Variants in XIRP2 observed in about 807,000 individuals in gnomAD.
XIRP2 encodes the protein xin actin binding repeat containing 2.
XIRP2 carries 236 observed loss-of-function variants against 277.0 expected under a neutral mutation model. The ratio of observed to expected loss-of-function variants is 0.85; its 90% CI spans 0.77 to 0.95. The LOEUF is 0.95. Ranked by LOEUF, XIRP2 falls within the 40% of genes least tolerant of loss-of-function variation. The pLI, the probability that XIRP2 is intolerant of heterozygous loss-of-function variation, is 0.00. For synonymous variants in XIRP2, 1,490 were observed against 1,416.5 expected, an observed-to-expected ratio of 1.05 and a Z score of -1.17; for missense variants, 4,640 against 4,157.5, an observed-to-expected ratio of 1.12 and a Z score of -3.19.
At position 166,946,359 on chromosome 2, in the gene XIRP2, C is replaced by T. The variant is rs374093016; in HGVS notation, c.408+42469C>T. 8.5e-5 allele frequency among the ~76,000 whole-genome samples: 13 copies of T among 152,158 alleles called. No homozygotes were observed. The East Asian group carries it at 9.6e-4, about 11-fold the overall frequency. On this transcript the variant is annotated intron_variant, in intron 2 of 10. Transcript: ENST00000409195. ...TTAGGCCACTAACTGCGCAAACTAT[C>T]CATTTGCTTGTCCTTTTTTATATCT...
At chr2:167,149,272 G>A (rs1434624815) in intron 3 of XIRP2, among the ~76,000 whole-genome samples, 2 of 152,124 alleles carry the variant, frequency 1.3e-5, no homozygotes, top group Non-Finnish European at 2.9e-5. Context: ...GATAGCGGAA[G>A]CAAAATATAA....
intron 3 of XIRP2, among the ~76,000 whole-genome samples, chr2:167,166,559 T>C (rs1383372412): frequency 2.0e-5 from 3 of 152,194 alleles, no homozygotes; most frequent in African/African-American, 7.2e-5. Context: ...AAGTGGTTAT[T>C]TGGGCTTGCA....
chr2:167,241,767 C>T lies in XIRP2; in HGVS notation c.1043-10C>T. ...TACATAGTAACCCTGGTGTGTTTTT[C>T]TGTTTGTAGTCATTGATACACCTGA... On this transcript the variant is annotated splice_polypyrimidine_tract_variant and intron_variant, in intron 7 of 10. Transcript: ENST00000409195. 1 of 1,591,978 alleles carries T rather than the reference C, an allele frequency of 6.3e-7. No homozygotes were observed.
Position 167,247,615 on chromosome 2 carries a change from A to G in XIRP2, c.6223A>G (p.Arg2075Gly), listed in dbSNP as rs1695320261. ...WTDTTGEQHL[R>G]DEYMSRQLTS... ...TGATACTACAGGAGAACAGCATCTT[A>G]GAGATGAATATATGAGCAGACAATT... Residue 2075 changes from arginine to glycine, a missense_variant, in exon 9 of 11, where the codon AGA becomes GGA. Transcript: ENST00000409195. 1 of 1,613,710 alleles carries G rather than the reference A, an allele frequency of 6.2e-7. No homozygotes were observed. Among genetic ancestry groups the G allele is most frequent in the Non-Finnish European group, 8.5e-7 (1 of 1,179,748 alleles).
chr2:166,943,710 A>G (rs1300375648), intron 2 of XIRP2, among the ~76,000 whole-genome samples: 1 of 152,264 alleles, frequency 6.6e-6, no homozygotes, highest in African/African-American at 2.4e-5. Flanking sequence ...AGAATGATAT[A>G]TGCCCTGTAT....
At chr2:167,191,724 T>A (rs1360826450) in intron 3 of XIRP2, among the ~76,000 whole-genome samples, 1 of 152,204 alleles carries the variant, frequency 6.6e-6, no homozygotes, top group Non-Finnish European at 1.5e-5. Flanking sequence ...GACACATCAC[T>A]TTTCACTACT....
At chr2:166,971,441 TA>T (rs1686576035) in intron 2 of XIRP2, among the ~76,000 whole-genome samples, 1 of 152,116 alleles carries the variant, frequency 6.6e-6, no homozygotes, top group Non-Finnish European at 1.5e-5. Context: ...GGGAGAATTT[TA>T]AAGCTCAAAT....
At chr2:167,217,419 G>A (rs547384138) in intron 4 of XIRP2, among the ~76,000 whole-genome samples, 2 of 152,198 alleles carry the variant, frequency 1.3e-5, no homozygotes, top group African/African-American at 2.4e-5. Flanking sequence ...TGCTAATCCT[G>A]GAGTAGTGTA....
intron 2 of XIRP2, among the ~76,000 whole-genome samples, chr2:166,915,879 A>G (rs1312746979): frequency 6.6e-6 from 1 of 152,134 alleles, no homozygotes; most frequent in Non-Finnish European, 1.5e-5. Flanking sequence ...ACTTTTGACA[A>G]AGACTATTCA....
intron 4 of XIRP2, among the ~76,000 whole-genome samples, chr2:167,217,617 G>A (rs1266455063): frequency 6.6e-6 from 1 of 152,052 alleles, no homozygotes; most frequent in Non-Finnish European, 1.5e-5. Flanking sequence ...GACATATTCT[G>A]TCATTTAATA....
At position 167,013,102 on chromosome 2, in the gene XIRP2, C is replaced by T. The variant is rs750375709; in HGVS notation, c.408+109212C>T. 2.6e-5 allele frequency among the ~76,000 whole-genome samples: 4 copies of T among 151,298 alleles called. No individual in the cohort carries two copies. The East Asian group carries it at 5.9e-4, about 22-fold the overall frequency. ...GTTAAATTGTGTACCCAAACTATATCGTAGCTCTGATATAGTTTGGTCATT... is the reference window on the plus strand; with the variant it reads ...GTTAAATTGTGTACCCAAACTATATTGTAGCTCTGATATAGTTTGGTCATT... On this transcript the variant is annotated intron_variant, in intron 2 of 10. Coordinates refer to ENST00000409195, the MANE Select transcript of XIRP2 (RefSeq NM_152381.6).
At chr2:166,973,293 T>C (rs1407873672) in intron 2 of XIRP2, among the ~76,000 whole-genome samples, 1 of 152,222 alleles carries the variant, frequency 6.6e-6, no homozygotes, top group African/African-American at 2.4e-5. Flanking sequence ...TATTTTGTCA[T>C]TTACATCATT....
chr2:167,150,479 G>GA (rs59294401), intron 3 of XIRP2, among the ~76,000 whole-genome samples: 26,320 of 151,658 alleles, frequency 0.17, 3,371 homozygotes, highest in African/African-American at 0.36. Flanking sequence ...GGTTTTATTA[G>GA]AAAAAAATGG....
At chr2:167,001,100 T>C (rs1687355782) in intron 2 of XIRP2, among the ~76,000 whole-genome samples, 1 of 152,188 alleles carries the variant, frequency 6.6e-6, no homozygotes, top group African/African-American at 2.4e-5. Flanking sequence ...TAATATTTTC[T>C]TAACAATTAT....
chr2:167,025,434 T>A (rs1407456647), intron 2 of XIRP2, among the ~76,000 whole-genome samples: 1 of 152,050 alleles, frequency 6.6e-6, no homozygotes, highest in African/African-American at 2.4e-5. Flanking sequence ...TTTTGAAGGG[T>A]TTTTTGTGTC....
chr2:167,098,722 G>GT (rs1690398123), intron 2 of XIRP2, among the ~76,000 whole-genome samples: 1 of 152,122 alleles, frequency 6.6e-6, no homozygotes, highest in Admixed American at 6.6e-5. Context: ...TCAGATGGAG[G>GT]TTTTGTGTAG....
chr2:166,988,453 T>TAAGATCTAAAGG (rs1553475862), intron 2 of XIRP2, among the ~76,000 whole-genome samples: 1 of 134,480 alleles, frequency 7.4e-6, no homozygotes, highest in African/African-American at 2.9e-5. Flanking sequence ...AAAACTTTAG[T>TAAGATCTAAAGG]TGGAGGAGCC....
At chr2:167,088,420 T>A (rs937685899) in intron 2 of XIRP2, among the ~76,000 whole-genome samples, 1 of 152,134 alleles carries the variant, frequency 6.6e-6, no homozygotes, top group Non-Finnish European at 1.5e-5. Flanking sequence ...ATCTCTCTCC[T>A]GGACAGCTGT....
At position 167,258,279 on chromosome 2, in the gene XIRP2, A is replaced by G; in HGVS notation, c.*462A>G. 1 of 1,613,396 alleles carries G rather than the reference A, an allele frequency of 6.2e-7. No homozygotes were observed. The highest frequency in any genetic ancestry group is 8.5e-7 in the Non-Finnish European group (1 of 1,179,660). ...CTGCTATCCCCTGAATTTAAAAGTG[A>G]ATCTCTGCTAGAAGATGTTAGAACT... On this transcript the variant is annotated 3_prime_UTR_variant, in exon 11 of 11. Transcript: ENST00000409195.
Sources: gnomAD v4.1 joint callset for allele counts (sites outside exome capture counted in the v4.1 genomes callset) on GRCh38, gnomAD v4.1.1 for gene constraint, MANE v1.5 for transcripts, NCBI Gene and HGNC (gene_info 2026-07-23, HGNC 2026-07-21) for gene names.